Variants in CTNNA3 observed in about 807,000 individuals in gnomAD.
CTNNA3 encodes the protein catenin alpha-3.
Under a neutral mutation model 95.7 loss-of-function variants are expected in CTNNA3, and 76 were observed. The observed-to-expected ratio is 0.79, with a 90% confidence interval of 0.66 to 0.96. The LOEUF (loss-of-function observed/expected upper bound fraction) is 0.96. Among genes scored for constraint, CTNNA3 ranks in the 40% least tolerant of loss-of-function variants. CTNNA3 has a pLI of 0.00. For missense variants in CTNNA3, 1,191 were observed against 1,089.8 expected, an observed-to-expected ratio of 1.09 and a Z score of -1.31; for synonymous variants, 431 against 374.4, an observed-to-expected ratio of 1.15 and a Z score of -1.74.
chr10:67,484,210 A>T (rs1320047257), intron 5 of CTNNA3, among the ~76,000 whole-genome samples: 1 of 152,236 alleles, frequency 6.6e-6, no homozygotes, highest in Non-Finnish European at 1.5e-5. Flanking sequence ...TTACAAAAAC[A>T]AGCAATGGGG....
chr10:65,954,717 G>C (rs576140883), intron 17 of CTNNA3, among the ~76,000 whole-genome samples: 1 of 152,282 alleles, frequency 6.6e-6, no homozygotes, highest in South Asian at 2.1e-4. Context: ...TAGTATTTCT[G>C]AGGGCTCTGT....
intron 13 of CTNNA3, among the ~76,000 whole-genome samples, chr10:66,158,594 T>A (rs897958253): frequency 6.6e-6 from 1 of 152,158 alleles, no homozygotes; most frequent in Non-Finnish European, 1.5e-5. Context: ...AGCCTCCAGA[T>A]TTGTTCTTTT....
chr10:67,311,830 A>G (rs756409219), intron 5 of CTNNA3, among the ~76,000 whole-genome samples: 1 of 152,090 alleles, frequency 6.6e-6, no homozygotes, highest in African/African-American at 2.4e-5. Flanking sequence ...TGAATACTGA[A>G]GCTTATGTTT....
At chr10:66,893,413 T>C (rs1375258653) in intron 7 of CTNNA3, among the ~76,000 whole-genome samples, 1 of 152,008 alleles carries the variant, frequency 6.6e-6, no homozygotes, top group Non-Finnish European at 1.5e-5. Flanking sequence ...TAAATAATTA[T>C]GTGTAATGTC....
intron 6 of CTNNA3, among the ~76,000 whole-genome samples, chr10:67,209,184 T>G (rs78369820): frequency 0.043 from 6,562 of 152,024 alleles, 178 homozygotes; most frequent in South Asian, 0.088. Context: ...AAGTAGCTGG[T>G]TTTACAGGCA....
chr10:67,630,965 T>C (rs1260647606), intron 2 of CTNNA3, among the ~76,000 whole-genome samples: 1 of 152,190 alleles, frequency 6.6e-6, no homozygotes, highest in African/African-American at 2.4e-5. Context: ...AGTTTCATTA[T>C]ATAATGACTG....
intron 10 of CTNNA3, among the ~76,000 whole-genome samples, chr10:66,597,156 A>T (rs1843737586): frequency 6.6e-6 from 1 of 152,026 alleles, no homozygotes; most frequent in African/African-American, 2.4e-5. Flanking sequence ...AAAAGAATGA[A>T]GAAAGCCTAT....
chr10:66,749,328 C>G (rs933791819), intron 9 of CTNNA3, among the ~76,000 whole-genome samples: 1 of 150,692 alleles, frequency 6.6e-6, no homozygotes, highest in African/African-American at 2.4e-5. Context: ...TCCTACAAAA[C>G]AGTTTCACTG....
intron 7 of CTNNA3, among the ~76,000 whole-genome samples, chr10:67,022,049 T>C (rs1853051812): frequency 6.6e-6 from 1 of 152,208 alleles, no homozygotes; most frequent in African/African-American, 2.4e-5. Flanking sequence ...GTACGAAGTG[T>C]ATTTCTGAAG....
rs1866936765 is a variant in CTNNA3 at position 67,268,804 on chromosome 10, A to G, written c.580-48934T>C. 2.6e-5 allele frequency among the ~76,000 whole-genome samples: 4 copies of G among 152,332 alleles called. 1 individual carries two copies. In the South Asian group the frequency reaches 8.3e-4, roughly 32 times the overall value. Reference sequence around the variant, plus strand: ...AACAGCTATTGTATATGCAAATGACATTGCCCTAGGCTTTGTTGGGGATAA... The same window carrying G: ...AACAGCTATTGTATATGCAAATGACGTTGCCCTAGGCTTTGTTGGGGATAA... On this transcript the variant is annotated intron_variant, in intron 5 of 17. Transcript: ENST00000433211.
At chr10:67,642,328 A>G (rs982863908) in intron 2 of CTNNA3, among the ~76,000 whole-genome samples, 1 of 152,194 alleles carries the variant, frequency 6.6e-6, no homozygotes, top group Non-Finnish European at 1.5e-5. Context: ...AGGAACTTAA[A>G]CAAATTTACA....
chr10:67,315,762 A>G (rs1456245274), intron 5 of CTNNA3, among the ~76,000 whole-genome samples: 3 of 152,188 alleles, frequency 2.0e-5, no homozygotes, highest in Non-Finnish European at 1.5e-5. Context: ...TATAAAGAAT[A>G]AGATATCAAA....
chr10:67,096,595 T>C (rs923474757), intron 7 of CTNNA3, among the ~76,000 whole-genome samples: 38 of 152,034 alleles, frequency 2.5e-4, no homozygotes, highest in Non-Finnish European at 1.3e-4. Context: ...GAAATCTGCC[T>C]ACTTTTTAGG....
intron 7 of CTNNA3, among the ~76,000 whole-genome samples, chr10:66,956,361 G>C (rs1194072247): frequency 6.6e-6 from 1 of 151,888 alleles, no homozygotes; most frequent in Non-Finnish European, 1.5e-5. Context: ...GGAGTAAATT[G>C]AGCCTTAATG....
intron 9 of CTNNA3, among the ~76,000 whole-genome samples, chr10:66,668,553 C>G (rs977290203): frequency 6.6e-6 from 1 of 151,736 alleles, no homozygotes; most frequent in African/African-American, 2.4e-5. Context: ...TGGTTCATGT[C>G]TATAATCCCA....
At chr10:66,053,298 T>C (rs1050220466) in intron 15 of CTNNA3, among the ~76,000 whole-genome samples, 4 of 152,054 alleles carry the variant, frequency 2.6e-5, no homozygotes, top group Admixed American at 6.6e-5. Flanking sequence ...TCAGTTAAAT[T>C]TCTTTTCTTA....
chr10:65,982,490 C>A (rs1421784049), intron 16 of CTNNA3, among the ~76,000 whole-genome samples: 2 of 150,654 alleles, frequency 1.3e-5, no homozygotes, highest in Non-Finnish European at 3.0e-5. Flanking sequence ...GATCTAGTAA[C>A]CCCACTACTA....
intron 1 of CTNNA3, among the ~76,000 whole-genome samples, chr10:67,724,232 T>TA (rs1841196463): frequency 6.6e-6 from 1 of 152,188 alleles, no homozygotes; most frequent in African/African-American, 2.4e-5. Flanking sequence ...AGACTGTTTA[T>TA]ACCAGGAGTG....
At chr10:67,129,315 A>G (rs1859876119) in intron 7 of CTNNA3, among the ~76,000 whole-genome samples, 1 of 152,180 alleles carries the variant, frequency 6.6e-6, no homozygotes, top group South Asian at 2.1e-4. Context: ...TTCAAATGTT[A>G]CCACTTTGCT....
Sources: gnomAD v4.1 joint callset for allele counts (sites outside exome capture counted in the v4.1 genomes callset) on GRCh38, gnomAD v4.1.1 for gene constraint, MANE v1.5 for transcripts, NCBI Gene and HGNC (gene_info 2026-07-23, HGNC 2026-07-21) for gene names.